HS6ST3: variants seen among roughly 807,000 people sequenced by gnomAD.
The protein encoded by HS6ST3 is heparan sulfate 6-O-sulfotransferase 3, also known as heparan-sulfate 6-O-sulfotransferase 3.
Under a neutral mutation model 36.7 loss-of-function variants are expected in HS6ST3, and 12 were observed. The ratio of observed to expected loss-of-function variants is 0.33; its 90% CI spans 0.21 to 0.53. HS6ST3 has a LOEUF of 0.53. HS6ST3 is among the 20% of genes least tolerant of loss of function. The pLI is 0.95. For missense variants in HS6ST3, 584 were observed against 640.9 expected, an observed-to-expected ratio of 0.91 and a Z score of 0.96; for synonymous variants, 240 against 257.5, an observed-to-expected ratio of 0.93 and a Z score of 0.65.
rs1198904030 is a variant in HS6ST3, at chr13:96,330,377, G to T, written c.707+238808G>T. On this transcript the variant is annotated intron_variant, in intron 1 of 1. Coordinates refer to ENST00000376705, the MANE Select transcript of HS6ST3 (RefSeq NM_153456.4). The stretch of plus-strand genomic sequence containing the variant: ...TCAGGAGCTCTTTTAGGGCAGGCCT[G>T]GTGGTGACAAAATCTCTCAGCATTT... Among the ~76,000 whole-genome samples, 13 of 149,144 alleles carry T rather than the reference G, an allele frequency of 8.7e-5. No homozygotes were observed. In the East Asian group the frequency reaches 2.6e-3, roughly 30 times the overall value.
chr13:96,450,003 C>T lies in HS6ST3; in HGVS notation c.707+358434C>T, dbSNP rs117287813. On this transcript the variant is annotated intron_variant, in intron 1 of 1. Coordinates refer to ENST00000376705, the MANE Select transcript of HS6ST3 (RefSeq NM_153456.4). ...ATGTACCCTGGATTTTAAGAAAACACATCAAAGAGCAGCCCCAGGTTGGAC... is the reference window on the plus strand; with the variant it reads ...ATGTACCCTGGATTTTAAGAAAACATATCAAAGAGCAGCCCCAGGTTGGAC... Among the ~76,000 whole-genome samples, 252 of 152,296 alleles carry T rather than the reference C, an allele frequency of 1.7e-3. 6 individuals are homozygous for T. In the East Asian group the frequency reaches 0.037, roughly 22 times the overall value.
At chr13:96,612,952 G>C (rs144520309) in intron 1 of HS6ST3, among the ~76,000 whole-genome samples, 357 of 152,236 alleles carry the variant, frequency 2.3e-3, no homozygotes, top group African/African-American at 8.1e-3. Flanking sequence ...TTCTTCCTCA[G>C]AGCCTTTTCA....
At chr13:96,562,436 G>A (rs1425147022) in intron 1 of HS6ST3, among the ~76,000 whole-genome samples, 3 of 151,932 alleles carry the variant, frequency 2.0e-5, no homozygotes, top group Non-Finnish European at 4.4e-5. Context: ...TGGGTGACAG[G>A]ATCATTCATA....
chr13:96,518,137 T>G (rs1331365196), intron 1 of HS6ST3, among the ~76,000 whole-genome samples: 2 of 152,208 alleles, frequency 1.3e-5, no homozygotes, highest in African/African-American at 4.8e-5. Context: ...TTAAAGGCAC[T>G]CTTTTCTCTG....
intron 1 of HS6ST3, among the ~76,000 whole-genome samples, chr13:96,677,625 T>A (rs2138435393): frequency 6.6e-6 from 1 of 152,236 alleles, no homozygotes; most frequent in Admixed American, 6.5e-5. Flanking sequence ...TAAATATCAT[T>A]TTTTCTTCCT....
At chr13:96,572,116 C>CGATAAT (rs1182670251) in intron 1 of HS6ST3, among the ~76,000 whole-genome samples, 1 of 152,130 alleles carries the variant, frequency 6.6e-6, no homozygotes, top group Non-Finnish European at 1.5e-5. Flanking sequence ...GTTCTAGGCT[C>CGATAAT]GATAATTTAA....
chr13:96,794,687 A>G (rs1877868790), intron 1 of HS6ST3, among the ~76,000 whole-genome samples: 1 of 152,058 alleles, frequency 6.6e-6, no homozygotes, highest in Admixed American at 6.6e-5. Context: ...AGATGAAGAA[A>G]GGAAACAGGT....
intron 1 of HS6ST3, among the ~76,000 whole-genome samples, chr13:96,589,766 A>G (rs918931149): frequency 1.3e-5 from 2 of 152,124 alleles, no homozygotes; most frequent in African/African-American, 4.8e-5. Flanking sequence ...TGTGTTAGCC[A>G]ATACTAGGTC....
At chr13:96,480,800 C>A (rs2055886861) in intron 1 of HS6ST3, among the ~76,000 whole-genome samples, 1 of 152,156 alleles carries the variant, frequency 6.6e-6, no homozygotes, top group African/African-American at 2.4e-5. Context: ...CCCCAGCAAT[C>A]CACAGTCTTT....
chr13:96,399,060 A>G (rs764847006), intron 1 of HS6ST3, among the ~76,000 whole-genome samples: 1 of 152,222 alleles, frequency 6.6e-6, no homozygotes, highest in Admixed American at 6.5e-5. Flanking sequence ...AAACTGCCAG[A>G]TAATACATGT....
chr13:96,352,982 C>T (rs1005498064), intron 1 of HS6ST3, among the ~76,000 whole-genome samples: 13 of 150,238 alleles, frequency 8.7e-5, no homozygotes, highest in African/African-American at 2.9e-4. Flanking sequence ...CTGTGTGGCT[C>T]TACAGCACAA....
intron 1 of HS6ST3, among the ~76,000 whole-genome samples, chr13:96,098,717 T>C (rs2053803716): frequency 6.6e-6 from 1 of 152,188 alleles, no homozygotes; most frequent in South Asian, 2.1e-4. Flanking sequence ...GATTTTAATC[T>C]GATTCAGTCA....
At chr13:96,532,292 G>A (rs1466176340) in intron 1 of HS6ST3, among the ~76,000 whole-genome samples, 1 of 152,226 alleles carries the variant, frequency 6.6e-6, no homozygotes, top group Non-Finnish European at 1.5e-5. Context: ...CCCTGCAACT[G>A]TACTTTGATA....
intron 1 of HS6ST3, among the ~76,000 whole-genome samples, chr13:96,710,676 C>T (rs1486930666): frequency 1.3e-5 from 2 of 152,232 alleles, no homozygotes; most frequent in Admixed American, 1.3e-4. Context: ...GCGGGAGGAC[C>T]CGAGTCATCA....
chr13:96,316,105 C>G (rs941678630), intron 1 of HS6ST3, among the ~76,000 whole-genome samples: 2 of 152,026 alleles, frequency 1.3e-5, no homozygotes, highest in Non-Finnish European at 2.9e-5. Context: ...TTTCATAAAC[C>G]AGTACTTGTG....
chr13:96,133,352 T>G (rs1461839688), intron 1 of HS6ST3, among the ~76,000 whole-genome samples: 1 of 152,164 alleles, frequency 6.6e-6, no homozygotes, highest in Admixed American at 6.5e-5. Flanking sequence ...GGTCTTGAAC[T>G]CCTGACCTCG....
At chr13:96,387,095 G>T (rs1215978948) in intron 1 of HS6ST3, among the ~76,000 whole-genome samples, 1 of 152,064 alleles carries the variant, frequency 6.6e-6, no homozygotes, top group Non-Finnish European at 1.5e-5. Flanking sequence ...TGCCTTCTTT[G>T]CTTCTTTTTC....
chr13:96,608,221 T>C (rs187277916), intron 1 of HS6ST3, among the ~76,000 whole-genome samples: 29 of 152,324 alleles, frequency 1.9e-4, no homozygotes, highest in Admixed American at 5.2e-4. Flanking sequence ...ATTCTGACTT[T>C]CCTAAATGAA....
chr13:96,421,304 A>G (rs2055561036), intron 1 of HS6ST3, among the ~76,000 whole-genome samples: 1 of 152,184 alleles, frequency 6.6e-6, no homozygotes, highest in South Asian at 2.1e-4. Flanking sequence ...TTTGTCACCA[A>G]TTCATTAATG....
Sources: gnomAD v4.1 joint callset for allele counts (sites outside exome capture counted in the v4.1 genomes callset) on GRCh38, gnomAD v4.1.1 for gene constraint, MANE v1.5 for transcripts, NCBI Gene and HGNC (gene_info 2026-07-23, HGNC 2026-07-21) for gene names.